DUSP28: variants seen among roughly 807,000 people sequenced by gnomAD.
DUSP28 encodes dual specificity phosphatase 28.
A neutral mutation model predicts 8.4 loss-of-function variants in DUSP28; 11 were observed. The observed-to-expected ratio is 1.31, with a 90% CI of 0.83 to 2.17. DUSP28 has a LOEUF of 2.17. Among genes scored for constraint, DUSP28 ranks in the 30% most tolerant of loss-of-function variants. DUSP28 has a pLI of 0.00. For synonymous variants in DUSP28, 178 were observed against 130.9 expected (o/e 1.36, Z -2.46); for missense variants, 373 against 270.4 (o/e 1.38, Z -2.66).
At position 240,563,676 on chromosome 2, in the gene DUSP28, G is replaced by GT. The variant is rs1447037272; in HGVS notation, c.*2212dup. On this transcript the variant is annotated 3_prime_UTR_variant, in exon 2 of 2. Coordinates refer to ENST00000405954, the MANE Select transcript of DUSP28 (RefSeq NM_001370465.2). ...CTGGTTTTCTGTTTGCATTTCAGCT[G>GT]TTTCTGGCAAAGCCTGCCGTGTCTT... The GT allele has an allele frequency of 2.6e-5, 4 of 152,676 alleles. No individual in the cohort carries two copies. The highest frequency in any genetic ancestry group is 5.9e-5 in the Non-Finnish European group (4 of 68,038). The allele number at this position is 152,676 out of a possible 1,614,324, so 9.5% of individuals were successfully genotyped here. A position where few individuals can be genotyped will look rare whatever the true frequency, so the allele number is the denominator to read the frequency against.
In DUSP28 at chr2:240,563,748, G is replaced by A. The variant is rs367972395; in HGVS notation, c.*2281G>A. 3.9e-5 allele frequency: 6 copies of A among 152,470 alleles called. No homozygotes were observed. In the East Asian group the frequency reaches 5.6e-4, roughly 14 times the overall value. 9.4% of individuals were successfully genotyped at this position (152,470 alleles called of 1,614,324 possible). A position where few individuals can be genotyped will look rare whatever the true frequency, so the allele number is the denominator to read the frequency against. ...TTAGATGTTGCTATATGAACACATC[G>A]GGACTGTGTCTGCAGGAAGGAGCTC... On this transcript the variant is annotated 3_prime_UTR_variant, in exon 2 of 2. Transcript: ENST00000405954.
chr2:240,561,343 C>G lies in DUSP28; in HGVS notation c.407C>G (p.Ala136Gly), dbSNP rs768866034. 1 of 1,613,918 alleles carries G rather than the reference C, an allele frequency of 6.2e-7. No individual in the cohort carries two copies. The highest frequency in any genetic ancestry group is 8.5e-7 in the Non-Finnish European group (1 of 1,180,046). Residue 136 changes from alanine to glycine, a missense_variant, in exon 2 of 2, where the codon GCT becomes GGT. Coordinates refer to ENST00000405954, the MANE Select transcript of DUSP28 (RefSeq NM_001370465.2). Reference protein sequence around the residue: ...LAKAFQMVKSARPVAEPNPGF... With the variant: ...LAKAFQMVKSGRPVAEPNPGF... The stretch of plus-strand genomic sequence containing the variant: ...TCTTGTTTGCAGATGGTGAAGAGCG[C>G]TCGCCCGGTAGCAGAACCGAACCCG...
Position 240,561,031 on chromosome 2 carries a change from C to G in DUSP28, c.347C>G (p.Ala116Gly), listed in dbSNP as rs1444108607. 6 of 1,533,898 alleles carry G rather than the reference C, an allele frequency of 3.9e-6. No homozygotes were observed. The highest frequency in any genetic ancestry group is 5.2e-6 in the Non-Finnish European group (6 of 1,151,500). ...GRSRSAAVCT[A>G]YLMRHRGLSL... The stretch of plus-strand genomic sequence containing the variant: ...AGCCGCTCGGCCGCCGTCTGCACCG[C>G]GTACCTCATGCGGCACCGCGGCCTC... The change falls in exon 1 of 2, where the codon GCG becomes GGG. Residue 116 changes from alanine (A) to glycine (G), a missense_variant. Transcript: ENST00000405954.
rs142528518 is a variant in DUSP28 at position 240,565,238 on chromosome 2, A to C, written c.*3771A>C. Among the ~76,000 whole-genome samples the C allele has an allele frequency of 1.2e-4, 18 of 151,812 alleles. No individual in the cohort carries two copies. Among genetic ancestry groups the C allele is most frequent in the Admixed American group, 9.8e-4 (15 of 15,302 alleles). ...CATTCTGTATGCGTCAATGAGTAAAATACTGTGGTTGGTGCTTATCTGCCT... is the reference window on the plus strand; with the variant it reads ...CATTCTGTATGCGTCAATGAGTAAACTACTGTGGTTGGTGCTTATCTGCCT... On this transcript the variant is annotated 3_prime_UTR_variant, in exon 2 of 2. Coordinates refer to ENST00000405954, the MANE Select transcript of DUSP28 (RefSeq NM_001370465.2).
chr2:240,561,570 G>T lies in DUSP28; in HGVS notation c.*103G>T. On this transcript the variant is annotated 3_prime_UTR_variant, in exon 2 of 2. Transcript: ENST00000405954. ...TGTCATATCGAGTTTTCCTTTGTGT[G>T]TGTGTGTGTGAAACATAGTGCTTTT... 7.1e-7 allele frequency: 1 copy of T among 1,404,892 alleles called. No homozygotes were observed. The highest frequency in any genetic ancestry group is 9.4e-7 in the Non-Finnish European group (1 of 1,063,952). The allele number at this position is 1,404,892 out of a possible 1,614,324, so 87.0% of individuals were successfully genotyped here.
chr2:240,560,954 G>A lies in DUSP28; in HGVS notation c.270G>A (p.Glu90=). ...TGGAGCCCACGTGCGCCGCCATGGA[G>A]GCCGCGGTGCGCGCCGGCGGCGCCT... The part of the protein sequence containing the change: ...AHLEPTCAAM[E]AAVRAGGACL... Residue 90 remains glutamate (E), a synonymous_variant, in exon 1 of 2, where the codon GAG becomes GAA. Transcript: ENST00000405954. The A allele has an allele frequency of 1.3e-6, 2 of 1,523,926 alleles. No homozygotes were observed. The highest frequency in any genetic ancestry group is 2.1e-5 in the Admixed American group (1 of 47,050). 94.4% of individuals were successfully genotyped at this position (1,523,926 alleles called of 1,614,324 possible).
chr2:240,560,868 G>A lies in DUSP28; in HGVS notation c.184G>A (p.Gly62Ser). ...SRQQPGPRAP[G>S]VAELRVPVFD... ...CCAGCAGCCCGGCCCGCGCGCGCCC[G>A]GCGTGGCAGAGCTGCGCGTGCCCGT... The change falls in exon 1 of 2, where the codon GGC becomes AGC. Residue 62 changes from glycine (G) to serine (S), a missense_variant. Coordinates refer to ENST00000405954, the MANE Select transcript of DUSP28 (RefSeq NM_001370465.2). The A allele has an allele frequency of 2.2e-6, 3 of 1,376,720 alleles. No individual in the cohort carries two copies. Among genetic ancestry groups the A allele is most frequent in the Non-Finnish European group, 2.8e-6 (3 of 1,057,926 alleles). The allele number at this position is 1,376,720 out of a possible 1,614,324, so 85.3% of individuals were successfully genotyped here. A position where few individuals can be genotyped will look rare whatever the true frequency, so the allele number is the denominator to read the frequency against.
intron 1 of DUSP28, 36 bp downstream of exon 1, chr2:240,561,113 G>A (rs2092941869): frequency 2.1e-6 from 3 of 1,460,172 alleles, no homozygotes; most frequent in Non-Finnish European, 2.7e-6. Context: ...GTTTCGAGAG[G>A]GGCGTGTCTT....
In DUSP28 at chr2:240,565,057, C is replaced by G. The variant is rs1389745609; in HGVS notation, c.*3590C>G. On this transcript the variant is annotated 3_prime_UTR_variant, in exon 2 of 2. Coordinates refer to ENST00000405954, the MANE Select transcript of DUSP28 (RefSeq NM_001370465.2). ...AAGCATGTTGATTCCTTCTCTAGTT[C>G]AGACACCACCTCTCCTGGACATCCT... 6.6e-6 allele frequency among the ~76,000 whole-genome samples: 1 copy of G among 152,244 alleles called. No individual in the cohort carries two copies. The highest frequency in any genetic ancestry group is 2.4e-5 in the African/African-American group (1 of 41,462).
rs1237834170 is a variant in DUSP28, at chr2:240,563,301, A to C, written c.*1834A>C. 1 of 151,986 alleles carries C rather than the reference A, an allele frequency of 6.6e-6. No individual in the cohort carries two copies. The highest frequency in any genetic ancestry group is 1.5e-5 in the Non-Finnish European group (1 of 68,022). 9.4% of individuals were successfully genotyped at this position (151,986 alleles called of 1,614,324 possible). The stretch of plus-strand genomic sequence containing the variant: ...ACTGCAAGCTCCGCCTCCCGGCTTC[A>C]TGCCATTCTCGTCCTTCAGCCTCCT... On this transcript the variant is annotated 3_prime_UTR_variant, in exon 2 of 2. Coordinates refer to ENST00000405954, the MANE Select transcript of DUSP28 (RefSeq NM_001370465.2).
At chr2:240,561,156 CG>C (rs1308588853) in intron 1 of DUSP28, 79 bp downstream of exon 1, 1 of 1,463,898 alleles carries the variant, frequency 6.8e-7, no homozygotes, top group Non-Finnish European at 9.0e-7. Flanking sequence ...GGGCCGGCTT[CG>C]GGATTGGGAC....
chr2:240,560,788 G>A lies in DUSP28; in HGVS notation c.104G>A (p.Gly35Asp). The change falls in exon 1 of 2, where the codon GGC (glycine) becomes GAC (aspartate). Residue 35 changes from glycine to aspartate, a missense_variant. Physicochemically the swap from Gly to Asp is moderately conservative, Grantham distance 94. Transcript: ENST00000405954. ...SLFLGSARAAGAEEQLARAGV... is the reference protein window; with the variant it reads ...SLFLGSARAADAEEQLARAGV... ...TTCCTCGGGAGCGCGCGAGCCGCGG[G>A]CGCGGAGGAGCAGCTGGCGCGCGCG... 3 of 1,454,968 alleles carry A rather than the reference G, an allele frequency of 2.1e-6. No homozygotes were observed. The highest frequency in any genetic ancestry group is 2.7e-6 in the Non-Finnish European group (3 of 1,111,340). The allele number at this position is 1,454,968 out of a possible 1,614,324, so 90.1% of individuals were successfully genotyped here. A position where few individuals can be genotyped will look rare whatever the true frequency, so the allele number is the denominator to read the frequency against.
Position 240,564,046 on chromosome 2 carries a change from A to G in DUSP28, c.*2579A>G, listed in dbSNP as rs2092994931. ...GCTTTGGTAAACTGCAGATTCAAAA[A>G]TCGAGGGAGAAATGAGCACACGCTG... On this transcript the variant is annotated 3_prime_UTR_variant, in exon 2 of 2. Coordinates refer to ENST00000405954, the MANE Select transcript of DUSP28 (RefSeq NM_001370465.2). 6.6e-6 allele frequency: 1 copy of G among 152,420 alleles called. No homozygotes were observed. Among genetic ancestry groups the G allele is most frequent in the Admixed American group, 6.5e-5 (1 of 15,292 alleles). 9.4% of individuals were successfully genotyped at this position (152,420 alleles called of 1,614,324 possible).
Position 240,560,395 on chromosome 2 carries a change from G to T in DUSP28, c.-290G>T. On this transcript the variant is annotated 5_prime_UTR_variant, in exon 1 of 2. Coordinates refer to ENST00000405954, the MANE Select transcript of DUSP28 (RefSeq NM_001370465.2). ...CAGTGCCACAGGCCGCGGGGGCGGG[G>T]AGGACGGCGCCCGGGGACAGAGAAC... 1 of 290,668 alleles carries T rather than the reference G, an allele frequency of 3.4e-6. No individual in the cohort carries two copies. The highest frequency in any genetic ancestry group is 6.2e-6 in the Non-Finnish European group (1 of 160,572). 18.0% of individuals were successfully genotyped at this position (290,668 alleles called of 1,614,324 possible).
At position 240,561,757 on chromosome 2, in the gene DUSP28, C is replaced by T. The variant is rs2092964597; in HGVS notation, c.*290C>T. The T allele has an allele frequency of 5.3e-6, 2 of 378,878 alleles. No homozygotes were observed. The highest frequency in any genetic ancestry group is 1.1e-4 in the East Asian group (2 of 17,938). 23.5% of individuals were successfully genotyped at this position (378,878 alleles called of 1,614,324 possible). On this transcript the variant is annotated 3_prime_UTR_variant, in exon 2 of 2. Coordinates refer to ENST00000405954, the MANE Select transcript of DUSP28 (RefSeq NM_001370465.2). ...TGTTTGGGGGTGCCGGCGCATTCTA[C>T]CAGTCTCAGGGAAGGACATGAGTAC...
chr2:240,561,627 A>C lies in DUSP28; in HGVS notation c.*160A>C. On this transcript the variant is annotated 3_prime_UTR_variant, in exon 2 of 2. Coordinates refer to ENST00000405954, the MANE Select transcript of DUSP28 (RefSeq NM_001370465.2). Reference sequence around the variant, plus strand: ...ATATTTCCGGCTGAGGTGATGCACAAATTATCTTACAGACACAAAAAGAAA... The same window carrying C: ...ATATTTCCGGCTGAGGTGATGCACACATTATCTTACAGACACAAAAAGAAA... 1.0e-6 allele frequency: 1 copy of C among 977,062 alleles called. No homozygotes were observed. Among genetic ancestry groups the C allele is most frequent in the Non-Finnish European group, 1.4e-6 (1 of 710,468 alleles). The allele number at this position is 977,062 out of a possible 1,614,324, so 60.5% of individuals were successfully genotyped here.
chr2:240,561,476 G>A lies in DUSP28; in HGVS notation c.*9G>A, dbSNP rs150435311. The A allele has an allele frequency of 1.3e-5, 21 of 1,610,800 alleles. No homozygotes were observed. In the African/African-American group the frequency reaches 2.7e-4, roughly 20 times the overall value. ...TGGGCCCTGAGGCTTGAAGCTTGAA[G>A]GCCTGCTGCCTGGAGGAAGGATGTC... On this transcript the variant is annotated 3_prime_UTR_variant, in exon 2 of 2. Transcript: ENST00000405954.
At chr2:240,561,126 G>A in intron 1 of DUSP28, 49 bp downstream of exon 1, 1 of 1,455,986 alleles carries the variant, frequency 6.9e-7, no homozygotes. Flanking sequence ...CGTGTCTTCC[G>A]GGGACGAGTT....
rs2092963383 is a variant in DUSP28 at position 240,561,698 on chromosome 2, G to A, written c.*231G>A. On this transcript the variant is annotated 3_prime_UTR_variant, in exon 2 of 2. Transcript: ENST00000405954. Reference sequence around the variant, plus strand: ...AGACAAATTAAGAAAAAGCAAATAGGGATCCTCCATTATTTACACTCCAGA... The same window carrying A: ...AGACAAATTAAGAAAAAGCAAATAGAGATCCTCCATTATTTACACTCCAGA... The A allele has an allele frequency of 3.4e-6, 2 of 590,536 alleles. No homozygotes were observed. The highest frequency in any genetic ancestry group is 5.5e-6 in the Non-Finnish European group (2 of 362,180). The allele number at this position is 590,536 out of a possible 1,614,324, so 36.6% of individuals were successfully genotyped here. A position where few individuals can be genotyped will look rare whatever the true frequency, so the allele number is the denominator to read the frequency against.
Sources: gnomAD v4.1 joint callset for allele counts (sites outside exome capture counted in the v4.1 genomes callset) on GRCh38, gnomAD v4.1.1 for gene constraint, MANE v1.5 for transcripts, NCBI Gene and HGNC (gene_info 2026-07-23, HGNC 2026-07-21) for gene names.